EVL: variants seen among roughly 807,000 people sequenced by gnomAD.
EVL encodes the protein Enah/Vasp-like.
Under a neutral mutation model 59.6 loss-of-function variants are expected in EVL, and 21 were observed. The ratio of observed to expected loss-of-function variants is 0.35; its 90% CI spans 0.25 to 0.51. EVL has a LOEUF of 0.51. EVL is among the 20% of genes least tolerant of loss of function. The pLI is 0.97. For missense variants in EVL, 462 were observed against 546.6 expected, an observed-to-expected ratio of 0.85 and a Z score of 1.54; for synonymous variants, 198 against 203.5, an observed-to-expected ratio of 0.97 and a Z score of 0.23.
rs1255589505 is a variant in EVL, at chr14:100,047,114, CTCTCTTT to C, written c.6-37571_6-37565del. Among the ~76,000 whole-genome samples, 121 of 95,108 alleles carry C rather than the reference CTCTCTTT, an allele frequency of 1.3e-3. 15 individuals are homozygous for C. Among genetic ancestry groups the C allele is most frequent in the East Asian group, 3.3e-3 (9 of 2,732 alleles). The allele number at this position is 95,108 out of a possible 152,430, so 62.4% of individuals were successfully genotyped here. A position where few individuals can be genotyped will look rare whatever the true frequency, so the allele number is the denominator to read the frequency against. On this transcript the variant is annotated intron_variant, in intron 1 of 13. Transcript: ENST00000402714. The stretch of plus-strand genomic sequence containing the variant: ...ATTTTGAGACCTTGGGCAGATCTCT[CTCTCTTT>C]TTTTTTTTTTTTTTTTTTTTTTTTA...
chr14:100,059,692 A>G (rs1304558732), intron 1 of EVL, among the ~76,000 whole-genome samples: 1 of 151,854 alleles, frequency 6.6e-6, no homozygotes, highest in East Asian at 1.9e-4. Context: ...GAACTGTCAC[A>G]CTTTAGGAGT....
chr14:100,089,808 C>T (rs1418633916), intron 2 of EVL, among the ~76,000 whole-genome samples: 1 of 152,146 alleles, frequency 6.6e-6, no homozygotes, highest in East Asian at 1.9e-4. Flanking sequence ...TGGCATGTGC[C>T]TGTAGTCCTT....
intron 1 of EVL, among the ~76,000 whole-genome samples, chr14:99,993,766 C>A (rs2140180007): frequency 6.9e-6 from 1 of 145,840 alleles, no homozygotes; most frequent in South Asian, 2.2e-4. Context: ...AGTCTTCCCT[C>A]ACTGCAGCCT....
rs78466726 is a variant in EVL, at chr14:100,017,316, C to T, written c.5+45259C>T. Reference sequence around the variant, plus strand: ...TTGAGTCACTGGTGGAGAGCAGGCACAGAGTCTAGAGGTCCCCACAAAATT... The same window carrying T: ...TTGAGTCACTGGTGGAGAGCAGGCATAGAGTCTAGAGGTCCCCACAAAATT... On this transcript the variant is annotated intron_variant, in intron 1 of 13. Coordinates refer to the EVL transcript ENST00000402714. Among the ~76,000 whole-genome samples, 702 of 152,250 alleles carry T rather than the reference C, an allele frequency of 4.6e-3. 7 individuals are homozygous for T. Among genetic ancestry groups the T allele is most frequent in the Non-Finnish European group, 7.4e-3 (503 of 68,016 alleles).
rs117159037 is a variant in EVL at position 100,107,293 on chromosome 14, C to T, written c.358+9635C>T. 6.0e-3 allele frequency: 2,383 copies of T among 398,654 alleles called. 4 individuals are homozygous for T. Among genetic ancestry groups the T allele is most frequent in the Middle Eastern group, 0.011 (17 of 1,588 alleles). The allele number at this position is 398,654 out of a possible 1,614,324, so 24.7% of individuals were successfully genotyped here. The stretch of plus-strand genomic sequence containing the variant: ...GGCAAGACCCCAAGCTGATGGCACT[C>T]GACCACATAGTGGGAGTGAATTTTA... On this transcript the variant is annotated intron_variant, in intron 3 of 13. Coordinates refer to ENST00000392920, the MANE Select transcript of EVL (RefSeq NM_016337.3).
At chr14:100,086,697 A>G (rs1021085914) in intron 2 of EVL, among the ~76,000 whole-genome samples, 6 of 152,234 alleles carry the variant, frequency 3.9e-5, no homozygotes, top group African/African-American at 1.4e-4. Flanking sequence ...GACTGACGGC[A>G]GTCTTCAGTG....
chr14:100,021,504 A>G (rs2140202892), intron 1 of EVL, among the ~76,000 whole-genome samples: 1 of 152,228 alleles, frequency 6.6e-6, no homozygotes, highest in Admixed American at 6.5e-5. Context: ...GAGTTTGTGT[A>G]TGTGGGGGCC....
Position 100,065,442 on chromosome 14 carries a change from G to C in EVL, c.-59G>C. Reference sequence around the variant, plus strand: ...GGTCTGTGGTCCTCTGATCAACATAGGCTGGTGGGAGTACAGGACTCGCCT... The same window carrying C: ...GGTCTGTGGTCCTCTGATCAACATACGCTGGTGGGAGTACAGGACTCGCCT... On this transcript the variant is annotated 5_prime_UTR_variant, in exon 1 of 14. Coordinates refer to ENST00000392920, the MANE Select transcript of EVL (RefSeq NM_016337.3). 7.2e-7 allele frequency: 1 copy of C among 1,393,988 alleles called. No homozygotes were observed. 86.4% of individuals were successfully genotyped at this position (1,393,988 alleles called of 1,614,324 possible).
chr14:100,049,319 C>T (rs1349474788), intron 1 of EVL, among the ~76,000 whole-genome samples: 1 of 152,172 alleles, frequency 6.6e-6, no homozygotes, highest in Non-Finnish European at 1.5e-5. Flanking sequence ...TGCCTCAAAG[C>T]GTGTGAGTGT....
chr14:100,137,510 T>C (rs1888876204), intron 9 of EVL, 68 bp from the exon 10 acceptor site: 10 of 1,532,810 alleles, frequency 6.5e-6, no homozygotes, highest in Admixed American at 1.7e-5. Flanking sequence ...TTGGGGTGTT[T>C]AGGGGATTGG....
chr14:100,030,892 C>T (rs899484672), intron 1 of EVL, among the ~76,000 whole-genome samples: 1 of 152,168 alleles, frequency 6.6e-6, no homozygotes, highest in Non-Finnish European at 1.5e-5. Flanking sequence ...TACGTTTCTC[C>T]GTGTCCTATT....
chr14:99,994,697 A>G (rs1453701452), intron 1 of EVL, among the ~76,000 whole-genome samples: 2 of 152,236 alleles, frequency 1.3e-5, no homozygotes, highest in African/African-American at 2.4e-5. Flanking sequence ...CTACATTACA[A>G]TACTATAGGA....
At chr14:100,126,605 A>C in intron 4 of EVL, 102 bp from the exon 5 acceptor site, 2 of 1,319,756 alleles carry the variant, frequency 1.5e-6, no homozygotes, top group South Asian at 1.2e-5. Flanking sequence ...GCGCTGGCGA[A>C]ACCTGACTCT....
chr14:100,008,763 A>C (rs1313762719), intron 1 of EVL, among the ~76,000 whole-genome samples: 1 of 151,990 alleles, frequency 6.6e-6, no homozygotes, highest in East Asian at 1.9e-4. Flanking sequence ...GGAAGGTCTT[A>C]ATCAATTTGT....
chr14:100,098,672 A>C (rs1385362638), intron 3 of EVL, among the ~76,000 whole-genome samples: 2 of 152,156 alleles, frequency 1.3e-5, no homozygotes, highest in Non-Finnish European at 2.9e-5. Context: ...GTCTTGATTG[A>C]CTGGGTTATG....
intron 3 of EVL, among the ~76,000 whole-genome samples, chr14:100,120,606 G>A (rs950303124): frequency 6.6e-6 from 1 of 152,196 alleles, no homozygotes; most frequent in South Asian, 2.1e-4. Flanking sequence ...GACCCACATG[G>A]GTTGAGTAGC....
intron 1 of EVL, among the ~76,000 whole-genome samples, chr14:100,018,870 G>A (rs1365371384): frequency 6.6e-6 from 1 of 152,062 alleles, no homozygotes; most frequent in African/African-American, 2.4e-5. Context: ...TTTTCTTTTG[G>A]GGGCTGGCAT....
chr14:99,976,602 G>T (rs1334939951), intron 1 of EVL, among the ~76,000 whole-genome samples: 1 of 151,972 alleles, frequency 6.6e-6, no homozygotes, highest in Non-Finnish European at 1.5e-5. Context: ...ATAATTTGAG[G>T]CCTAAGATGA....
rs983426200 is a variant in EVL, at chr14:100,109,856, G to T, written c.358+12198G>T. On this transcript the variant is annotated intron_variant, in intron 3 of 13. Transcript: ENST00000392920. This position sits in a 1 kb window ranked among gnomAD's most constrained non-coding sequence, Gnocchi z 4.3. ...TGTGCATACTGTGGAAGGAACTTCGGACGTGAACTCGGATCTGGTTCCAGT... is the reference window on the plus strand; with the variant it reads ...TGTGCATACTGTGGAAGGAACTTCGTACGTGAACTCGGATCTGGTTCCAGT... 1 of 394,454 alleles carries T rather than the reference G, an allele frequency of 2.5e-6. No homozygotes were observed. Among genetic ancestry groups the T allele is most frequent in the African/African-American group, 2.1e-5 (1 of 48,322 alleles). The allele number at this position is 394,454 out of a possible 1,614,324, so 24.4% of individuals were successfully genotyped here. A position where few individuals can be genotyped will look rare whatever the true frequency, so the allele number is the denominator to read the frequency against.
Sources: gnomAD v4.1 joint callset for allele counts (sites outside exome capture counted in the v4.1 genomes callset) on GRCh38, gnomAD v4.1.1 for gene constraint, Gnocchi (gnomAD v3.1) non-coding constraint, MANE v1.5 for transcripts, NCBI Gene and HGNC (gene_info 2026-07-23, HGNC 2026-07-21) for gene names.